Variants in ADAMTSL3 observed in about 807,000 individuals in gnomAD.
The protein encoded by ADAMTSL3 is ADAMTS-like protein 3.
In ADAMTSL3, 128 loss-of-function variants were observed where a neutral mutation model predicts 201.7. The ratio of observed to expected loss-of-function variants is 0.63; its 90% CI spans 0.55 to 0.73. The LOEUF is 0.73. Ranked by LOEUF, ADAMTSL3 falls within the 30% of genes least tolerant of loss-of-function variation. The pLI, the probability that ADAMTSL3 is intolerant of heterozygous loss-of-function variation, is 0.00. For missense variants in ADAMTSL3, 1,990 were observed against 2,119.6 expected (o/e 0.94, Z 1.20); for synonymous variants, 738 against 748.4 (o/e 0.99, Z 0.23).
intron 7 of ADAMTSL3, among the ~76,000 whole-genome samples, chr15:83,857,404 C>T (rs1289746479): frequency 1.3e-5 from 2 of 152,162 alleles, no homozygotes; most frequent in Non-Finnish European, 2.9e-5. Flanking sequence ...TTTTAACCTT[C>T]CTTTTTTAAA....
At chr15:83,868,373 C>G (rs1010923159) in intron 8 of ADAMTSL3, among the ~76,000 whole-genome samples, 1 of 152,076 alleles carries the variant, frequency 6.6e-6, no homozygotes, top group African/African-American at 2.4e-5. Flanking sequence ...ACACCACAAA[C>G]TCCTTTTTTT....
Position 83,982,431 on chromosome 15 carries a change from C to T in ADAMTSL3, c.2803C>T (p.Pro935Ser), listed in dbSNP as rs1350820432. 2 of 1,614,098 alleles carry T rather than the reference C, an allele frequency of 1.2e-6. No individual in the cohort carries two copies. Among genetic ancestry groups the T allele is most frequent in the South Asian group, 2.2e-5 (2 of 91,078 alleles). ...LPNTSVIIKC[P>S]VRRFQKSLIQ... ...CAACACATCCGTGATTATTAAGTGC[C>T]CCGTGCGACGATTCCAGAAATCTCT... The change falls in exon 21 of 30, where the codon CCC (proline) becomes TCC (serine). Residue 935 changes from proline (P) to serine (S), a missense_variant. Pro to Ser is a moderately conservative substitution (Grantham distance 74). Transcript: ENST00000286744.
chr15:83,942,345 T>A (rs1385060138), intron 17 of ADAMTSL3, among the ~76,000 whole-genome samples: 1 of 152,194 alleles, frequency 6.6e-6, no homozygotes, highest in Admixed American at 6.5e-5. Flanking sequence ...TGGGAACAGA[T>A]CTGCTGCTTT....
chr15:83,981,962 T>C (rs1426800679), intron 20 of ADAMTSL3, among the ~76,000 whole-genome samples: 1 of 152,206 alleles, frequency 6.6e-6, no homozygotes, highest in African/African-American at 2.4e-5. Context: ...TAGAAATAAC[T>C]ATTCCCTACA....
At chr15:83,812,795 T>C (rs530074148) in intron 5 of ADAMTSL3, among the ~76,000 whole-genome samples, 5 of 152,366 alleles carry the variant, frequency 3.3e-5, no homozygotes, top group East Asian at 1.9e-4. Context: ...CTCATACTTA[T>C]TAAGTACTTC....
At position 83,838,005 on chromosome 15, in the gene ADAMTSL3, C is replaced by A. The variant is rs61387269; in HGVS notation, c.601-84C>A. ...AGCCAAACTGTAAAGTTAAGGATTA[C>A]ATCACAACTAAGCTTCCTGAAATGA... On this transcript the variant is annotated intron_variant, in intron 6 of 29. Coordinates refer to ENST00000286744, the MANE Select transcript of ADAMTSL3 (RefSeq NM_207517.3). The A allele has an allele frequency of 0.12, 178,349 of 1,518,212 alleles. 11,931 individuals are homozygous for A. The highest frequency in any genetic ancestry group is 0.32 in the East Asian group (13,984 of 43,194). The allele number at this position is 1,518,212 out of a possible 1,614,324, so 94.0% of individuals were successfully genotyped here.
At chr15:83,828,245 C>T (rs1309280032) in intron 6 of ADAMTSL3, among the ~76,000 whole-genome samples, 1 of 152,236 alleles carries the variant, frequency 6.6e-6, no homozygotes, top group African/African-American at 2.4e-5. Flanking sequence ...CCTTCACATC[C>T]CTTGTAAGTT....
At chr15:83,669,714 CGCCTCG>C (rs1410001387) in intron 2 of ADAMTSL3, among the ~76,000 whole-genome samples, 1 of 151,354 alleles carries the variant, frequency 6.6e-6, no homozygotes, top group Admixed American at 6.6e-5. Context: ...GTGATCTGTC[CGCCTCG>C]GCCTCCCAAA....
intron 6 of ADAMTSL3, among the ~76,000 whole-genome samples, chr15:83,822,088 C>A (rs1207298890): frequency 7.1e-6 from 1 of 141,584 alleles, no homozygotes. Flanking sequence ...GCAGAGGCAC[C>A]CCTCACCTCC....
At chr15:83,869,039 G>A (rs536955377) in intron 8 of ADAMTSL3, among the ~76,000 whole-genome samples, 5 of 152,214 alleles carry the variant, frequency 3.3e-5, no homozygotes, top group Non-Finnish European at 7.4e-5. Flanking sequence ...CAATGGTAAA[G>A]CAATTACTAC....
chr15:83,949,860 G>T (rs941043676), intron 19 of ADAMTSL3, among the ~76,000 whole-genome samples: 10 of 151,912 alleles, frequency 6.6e-5, no homozygotes, highest in South Asian at 4.2e-4. Context: ...TGGATTATTA[G>T]ATTTTTTTTT....
chr15:83,971,189 G>A (rs1178333163), intron 20 of ADAMTSL3, among the ~76,000 whole-genome samples: 24 of 152,140 alleles, frequency 1.6e-4, no homozygotes, highest in Admixed American at 1.6e-3. Flanking sequence ...AAGCTAATAT[G>A]CATGTAGCAT....
chr15:83,925,504 C>T (rs2066229485), intron 17 of ADAMTSL3, among the ~76,000 whole-genome samples: 1 of 152,134 alleles, frequency 6.6e-6, no homozygotes, highest in African/African-American at 2.4e-5. Context: ...CTCCCACCCC[C>T]AGGTTTACAG....
intron 15 of ADAMTSL3, among the ~76,000 whole-genome samples, chr15:83,906,299 C>T (rs1389322387): frequency 6.6e-6 from 1 of 152,088 alleles, no homozygotes; most frequent in Admixed American, 6.6e-5. Flanking sequence ...CCGTTTGGCT[C>T]AGAACTGCAT....
intron 20 of ADAMTSL3, among the ~76,000 whole-genome samples, chr15:83,975,853 T>C (rs559325320): frequency 2.6e-5 from 4 of 152,320 alleles, no homozygotes; most frequent in African/African-American, 9.6e-5. Flanking sequence ...TTGAACTCCA[T>C]GTGAAGGAGT....
intron 4 of ADAMTSL3, among the ~76,000 whole-genome samples, chr15:83,783,830 A>G (rs2063216218): frequency 2.1e-5 from 2 of 96,314 alleles, no homozygotes; most frequent in Non-Finnish European, 4.4e-5. Flanking sequence ...GTATCTGCAT[A>G]TATACTCTGT....
chr15:83,783,363 C>T (rs1236679664), intron 4 of ADAMTSL3, among the ~76,000 whole-genome samples: 1 of 151,894 alleles, frequency 6.6e-6, no homozygotes, highest in Non-Finnish European at 1.5e-5. Flanking sequence ...GAACATAGTG[C>T]AATTGTGACA....
chr15:83,660,128 G>A (rs937123240), intron 2 of ADAMTSL3, among the ~76,000 whole-genome samples: 6 of 152,094 alleles, frequency 3.9e-5, no homozygotes, highest in Non-Finnish European at 8.8e-5. Flanking sequence ...CTCCACCTCC[G>A]GTAACCCAGG....
At chr15:83,997,822 G>C (rs1445005689) in intron 23 of ADAMTSL3, among the ~76,000 whole-genome samples, 1 of 152,044 alleles carries the variant, frequency 6.6e-6, no homozygotes, top group African/African-American at 2.4e-5. Context: ...TTGGTTTTCT[G>C]TTATAAAATG....
Sources: allele counts gnomAD v4.1 joint callset (sites outside exome capture counted in the v4.1 genomes callset), GRCh38; gene constraint gnomAD v4.1.1; transcripts MANE v1.5; gene names NCBI Gene and HGNC (gene_info 2026-07-23, HGNC 2026-07-21).